The following NFE2 variants were observed in gnomAD, a reference collection of about 807,000 sequenced individuals.
NFE2 encodes transcription factor NF-E2 45 kDa subunit.
Under a neutral mutation model 25.8 loss-of-function variants are expected in NFE2, and 13 were observed. The ratio of observed to expected loss-of-function variants is 0.50; its 90% CI spans 0.33 to 0.80. NFE2 has a LOEUF of 0.80. NFE2 is among the 30% of genes least tolerant of loss of function. The pLI is 0.02. For synonymous variants in NFE2, 204 were observed against 200.2 expected, an observed-to-expected ratio of 1.02 and a Z score of -0.16; for missense variants, 382 against 478.9, an observed-to-expected ratio of 0.80 and a Z score of 1.89.
At chr12:54,295,534 A>AGGACACGG in intron 1 of NFE2, 1 of 316,132 alleles carries the variant, frequency 3.2e-6, no homozygotes. Flanking sequence ...GTAGCACAGG[A>AGGACACGG]GGTCTTTACC....
intron 2 of NFE2, among the ~76,000 whole-genome samples, chr12:54,294,186 C>G (rs1473638502): frequency 6.8e-6 from 1 of 146,658 alleles, no homozygotes; most frequent in Non-Finnish European, 1.5e-5. Context: ...TGATGTGAAC[C>G]AAGATTGCAC....
rs113279868 is a variant in NFE2 at position 54,292,443 on chromosome 12, C to T, written c.1053G>A (p.Ala351=). The T allele has an allele frequency of 4.3e-6, 7 of 1,614,196 alleles. No homozygotes were observed. The African/African-American group carries it at 5.3e-5, about 12-fold the overall frequency. Residue 351 remains alanine (A), a synonymous_variant, in exon 3 of 3, where the codon GCG becomes GCA. Coordinates refer to ENST00000435572, the MANE Select transcript of NFE2 (RefSeq NM_001136023.3). ...TGGTCCCATCGGCAGCCTGTTGCAGCGCGTACTCTTCAGGAGAGTAGCTGT... is the reference window on the plus strand; with the variant it reads ...TGGTCCCATCGGCAGCCTGTTGCAGTGCGTACTCTTCAGGAGAGTAGCTGT... ...SGNSYSPEEY[A]LQQAADGTIF...
intron 1 of NFE2, chr12:54,295,698 TC>T (rs1944366309): frequency 5.9e-6 from 1 of 170,796 alleles, no homozygotes; most frequent in African/African-American, 2.4e-5. Context: ...CACCCTGCTT[TC>T]CTCCTCTGTC....
At chr12:54,297,356 C>CAAAAAAAAAAAAAAAAAAAAAAAAA (rs35611028) in intron 1 of NFE2, among the ~76,000 whole-genome samples, 1 of 50,012 alleles carries the variant, frequency 2.0e-5, no homozygotes, top group East Asian at 6.3e-4. Context: ...GACCCTGTCT[C>CAAAAAAAAAAAAAAAAAAAAAAAAA]AAAAAAAAAA....
chr12:54,296,880 T>A (rs1297607620), intron 1 of NFE2, among the ~76,000 whole-genome samples: 1 of 152,264 alleles, frequency 6.6e-6, no homozygotes, highest in South Asian at 2.1e-4. Context: ...CCCGTGTCTT[T>A]ATCTTCTTCT....
Position 54,292,749 on chromosome 12 carries a change from G to A in NFE2, c.747C>T (p.Asp249=), listed in dbSNP as rs1395065283. Reference sequence around the variant, plus strand: ...GGTACCTTGCCAATAGCTCATTAAAGTCATCTACCGGCAAGTTGACAATCT... The same window carrying A: ...GGTACCTTGCCAATAGCTCATTAAAATCATCTACCGGCAAGTTGACAATCT... ...TDKIVNLPVD[D]FNELLARYPL... The change falls in exon 3 of 3, where the codon GAC becomes GAT. Residue 249 remains aspartate, a synonymous_variant. Coordinates refer to ENST00000435572, the MANE Select transcript of NFE2 (RefSeq NM_001136023.3). 6 of 1,614,114 alleles carry A rather than the reference G, an allele frequency of 3.7e-6. No homozygotes were observed. The highest frequency in any genetic ancestry group is 1.3e-5 in the African/African-American group (1 of 74,946).
intron 1 of NFE2, chr12:54,295,628 T>A (rs1010360334): frequency 5.2e-6 from 1 of 191,576 alleles, no homozygotes; most frequent in African/African-American, 2.4e-5. Flanking sequence ...CAGAGTCAGA[T>A]CTTCTGTTTT....
intron 1 of NFE2, among the ~76,000 whole-genome samples, chr12:54,296,503 G>T (rs540297901): frequency 1.3e-5 from 2 of 151,838 alleles, no homozygotes; most frequent in Non-Finnish European, 2.9e-5. Context: ...GCAGGATGAG[G>T]TCCAGAACCT....
rs113232097 is a variant in NFE2, at chr12:54,296,156, C to G, written c.-56-852G>C. On this transcript the variant is annotated intron_variant, in intron 1 of 2. Transcript: ENST00000435572. ...GCGCGGTGGCTCAGGCCTGTAATCC[C>G]AGCACTTTGGGAGGCCAAGGCAGGT... is the stretch of plus-strand genomic sequence containing the variant. Among the ~76,000 whole-genome samples, 402 of 152,184 alleles carry G rather than the reference C, an allele frequency of 2.6e-3. 2 individuals carry two copies. Among genetic ancestry groups the G allele is most frequent in the African/African-American group, 9.1e-3 (376 of 41,532 alleles).
chr12:54,297,795 T>C (rs1381535639), intron 1 of NFE2: 2 of 151,686 alleles, frequency 1.3e-5, no homozygotes, highest in Non-Finnish European at 2.9e-5. Context: ...CAATTTAATA[T>C]GGAATCTTCT....
In NFE2 at chr12:54,292,702, G is replaced by T. The variant is rs746400479; in HGVS notation, c.794C>A (p.Ala265Glu). 1 of 1,614,228 alleles carries T rather than the reference G, an allele frequency of 6.2e-7. No individual in the cohort carries two copies. The highest frequency in any genetic ancestry group is 8.5e-7 in the Non-Finnish European group (1 of 1,180,048). ...CCGTCGTCGGATGTCCCGGACTAGC[G>T]CTAGCTGGCTCTCTGTCAGCGGGTA... ...ARYPLTESQL[A>E]LVRDIRRRGK... The change falls in exon 3 of 3, where the codon GCG becomes GAG. Residue 265 changes from alanine to glutamate, a missense_variant. Transcript: ENST00000435572.
At chr12:54,293,448 A>AC in intron 2 of NFE2, 67 bp from the exon 3 acceptor site, 1 of 1,384,526 alleles carries the variant, frequency 7.2e-7, no homozygotes, top group Non-Finnish European at 9.5e-7. Flanking sequence ...TCTCTCAGGA[A>AC]CAAGCTGGAT....
At chr12:54,297,563 G>A (rs1277838760) in intron 1 of NFE2, among the ~76,000 whole-genome samples, 1 of 150,054 alleles carries the variant, frequency 6.7e-6, no homozygotes, top group Non-Finnish European at 1.5e-5. Context: ...TACTCAGGAG[G>A]CTGAGGCAGG....
Position 54,292,997 on chromosome 12 carries a change from G to A in NFE2, c.499C>T (p.Arg167Trp), listed in dbSNP as rs755502802. 2.6e-6 allele frequency: 4 copies of A among 1,541,558 alleles called. No individual in the cohort carries two copies. Among genetic ancestry groups the A allele is most frequent in the South Asian group, 1.3e-5 (1 of 79,540 alleles). ...SLELEGTEAG[R>W]RRSEYVEMYP... ...ATCTCTACATATTCGCTGCGCCGCC[G>A]ACCAGCCTCTGTCCCCTCCAGCTCA... Residue 167 changes from arginine to tryptophan, a missense_variant, in exon 3 of 3, where the codon CGG becomes TGG. By Grantham distance (101) the Arg-to-Trp change is moderately radical. Transcript: ENST00000435572.
chr12:54,293,367 T>TG lies in NFE2; in HGVS notation c.128dup (p.Ser44LysfsTer2). ...CTTGGGGCTCAAATGATGGCTCACT[T>TG]GGAGCATTCAGACCCTGCAAGGAAA... On this transcript the variant is annotated frameshift_variant, in exon 3 of 3. Coordinates refer to ENST00000435572, the MANE Select transcript of NFE2 (RefSeq NM_001136023.3). LOFTEE classifies it high-confidence loss of function. The TG allele has an allele frequency of 6.6e-7, 1 of 1,522,916 alleles. No homozygotes were observed. The highest frequency in any genetic ancestry group is 8.9e-7 in the Non-Finnish European group (1 of 1,128,798). The allele number at this position is 1,522,916 out of a possible 1,614,324, so 94.3% of individuals were successfully genotyped here. A position where few individuals can be genotyped will look rare whatever the true frequency, so the allele number is the denominator to read the frequency against.
At position 54,293,387 on chromosome 12, in the gene NFE2, A is replaced by G. The variant is rs1944339225; in HGVS notation, c.115-6T>C. On this transcript the variant is annotated splice_polypyrimidine_tract_variant and splice_region_variant and intron_variant, in intron 2 of 2. Transcript: ENST00000435572. The stretch of plus-strand genomic sequence containing the variant: ...TCACTTGGAGCATTCAGACCCTGCA[A>G]GGAAAGACACAAAGAGATTTGGAGA... The G allele has an allele frequency of 1.4e-6, 2 of 1,470,828 alleles. No individual in the cohort carries two copies. The highest frequency in any genetic ancestry group is 4.5e-5 in the Admixed American group (2 of 44,776). 91.1% of individuals were successfully genotyped at this position (1,470,828 alleles called of 1,614,324 possible).
At position 54,293,012 on chromosome 12, in the gene NFE2, C is replaced by G; in HGVS notation, c.484G>C (p.Gly162Arg). 6.5e-7 allele frequency: 1 copy of G among 1,532,798 alleles called. No individual in the cohort carries two copies. Among genetic ancestry groups the G allele is most frequent in the Non-Finnish European group, 8.8e-7 (1 of 1,139,724 alleles). 94.9% of individuals were successfully genotyped at this position (1,532,798 alleles called of 1,614,324 possible). Residue 162 changes from glycine to arginine, a missense_variant, in exon 3 of 3, where the codon GGG becomes CGG. Gly to Arg is a moderately radical substitution (Grantham distance 125). Coordinates refer to ENST00000435572, the MANE Select transcript of NFE2 (RefSeq NM_001136023.3). ...CTGCGCCGCCGACCAGCCTCTGTCCCCTCCAGCTCAAGAGATTCAGCATCG... is the reference window on the plus strand; with the variant it reads ...CTGCGCCGCCGACCAGCCTCTGTCCGCTCCAGCTCAAGAGATTCAGCATCG... ...YSDAESLELE[G>R]TEAGRRRSEY... is the part of the protein sequence containing the mutation.
intron 1 of NFE2, 137 bp from the exon 2 acceptor site, chr12:54,295,441 A>G (rs1944364046): frequency 3.6e-6 from 2 of 559,406 alleles, no homozygotes; most frequent in South Asian, 4.1e-5. Flanking sequence ...CTCATGCTGG[A>G]TTCATCAATC....
intron 2 of NFE2, 137 bp from the exon 3 acceptor site, chr12:54,293,518 A>C: frequency 1.0e-6 from 1 of 997,310 alleles, no homozygotes; most frequent in East Asian, 2.7e-5. Context: ...AATCACGGGA[A>C]GCTTCCTGCA....
Sources: gnomAD v4.1 joint callset for allele counts (sites outside exome capture counted in the v4.1 genomes callset) on GRCh38, gnomAD v4.1.1 for gene constraint, MANE v1.5 for transcripts, NCBI Gene and HGNC (gene_info 2026-07-23, HGNC 2026-07-21) for gene names.